The following CDC14A variants were observed in gnomAD, a reference collection of about 807,000 sequenced individuals.
The protein encoded by CDC14A is dual specificity protein phosphatase CDC14A.
In CDC14A, 53 loss-of-function variants were observed where a neutral mutation model predicts 74.4. The ratio of observed to expected loss-of-function variants is 0.71; its 90% CI spans 0.57 to 0.89. CDC14A has a LOEUF of 0.89. Among genes scored for constraint, CDC14A ranks in the 40% least tolerant of loss-of-function variants. CDC14A has a pLI of 0.00. For missense variants in CDC14A, 646 were observed against 713.7 expected (o/e 0.91, Z 1.08); for synonymous variants, 247 against 258.4 (o/e 0.96, Z 0.43).
chr1:100,488,469 T>G (rs1670294564), intron 11 of CDC14A, among the ~76,000 whole-genome samples: 1 of 152,230 alleles, frequency 6.6e-6, no homozygotes. Flanking sequence ...TAACTCTCTA[T>G]GAGGTCTTCA....
chr1:100,494,951 T>G, intron 12 of CDC14A, 21 bp downstream of exon 12: 1 of 1,228,418 alleles, frequency 8.1e-7, no homozygotes. Context: ...TTTAAACACT[T>G]CAATTTATAG....
chr1:100,498,052 TATTGTG>T (rs761726766), intron 13 of CDC14A, 27 bp from the exon 14 acceptor site: 1 of 1,601,636 alleles, frequency 6.2e-7, no homozygotes, highest in South Asian at 1.1e-5. Context: ...AAGACTACTT[TATTGTG>T]ACACTTTGCC....
At position 100,512,338 on chromosome 1, in the gene CDC14A, A is replaced by G. The variant is rs149135288; in HGVS notation, c.1756-5913A>G. Among the ~76,000 whole-genome samples, 1,168 of 152,286 alleles carry G rather than the reference A, an allele frequency of 7.7e-3. 4 individuals are homozygous for G. Among genetic ancestry groups the G allele is most frequent in the Admixed American group, 0.015 (227 of 15,290 alleles). On this transcript the variant is annotated intron_variant, in intron 15 of 15. Coordinates refer to ENST00000336454, the MANE Select transcript of CDC14A (RefSeq NM_003672.4). ...TATTGAACTAAAAGTCAGATAATGT[A>G]TCTGGGTTCGTGAATGTTAAAGTGT...
At chr1:100,513,962 A>G (rs1386695476) in intron 15 of CDC14A, among the ~76,000 whole-genome samples, 1 of 152,144 alleles carries the variant, frequency 6.6e-6, no homozygotes, top group East Asian at 1.9e-4. Flanking sequence ...TTCAGGTTGA[A>G]TATTGCTACA....
At chr1:100,396,879 A>G (rs540490144) in intron 4 of CDC14A, among the ~76,000 whole-genome samples, 2 of 152,220 alleles carry the variant, frequency 1.3e-5, no homozygotes, top group East Asian at 3.9e-4. Flanking sequence ...ATTTCCTTAT[A>G]TCTAAGTGGG....
intron 15 of CDC14A, chr1:100,504,973 T>C: frequency 6.7e-7 from 1 of 1,493,418 alleles, no homozygotes; most frequent in Non-Finnish European, 9.0e-7. Context: ...ATACTTTATT[T>C]TATCATGTAT....
intron 2 of CDC14A, among the ~76,000 whole-genome samples, chr1:100,376,044 A>C (rs1485795379): frequency 6.6e-6 from 1 of 152,188 alleles, no homozygotes; most frequent in Admixed American, 6.5e-5. Flanking sequence ...AAACTATCAC[A>C]AGGACAAAAA....
At chr1:100,434,632 G>T (rs1276749510) in intron 5 of CDC14A, among the ~76,000 whole-genome samples, 1 of 152,172 alleles carries the variant, frequency 6.6e-6, no homozygotes, top group African/African-American at 2.4e-5. Flanking sequence ...TGAGGGATAG[G>T]ATAAGGGGAA....
At chr1:100,428,936 G>A (rs1458609857) in intron 5 of CDC14A, among the ~76,000 whole-genome samples, 7 of 152,026 alleles carry the variant, frequency 4.6e-5, no homozygotes, top group Non-Finnish European at 1.0e-4. Context: ...GGCCGGGCGC[G>A]GTGGCTCACG....
In CDC14A at chr1:100,467,903, G is replaced by A. The variant is rs1668004783; in HGVS notation, c.839-53G>A. 8 of 1,505,038 alleles carry A rather than the reference G, an allele frequency of 5.3e-6. No homozygotes were observed. In the East Asian group the frequency reaches 1.5e-4, roughly 28 times the overall value. The allele number at this position is 1,505,038 out of a possible 1,614,324, so 93.2% of individuals were successfully genotyped here. On this transcript the variant is annotated intron_variant, in intron 9 of 15. Coordinates refer to ENST00000336454, the MANE Select transcript of CDC14A (RefSeq NM_003672.4). ...GGCAAGGTTTGATTTCAGTGTTTTT[G>A]TGGTAGCATTTGCTAGACTTTATAT...
At position 100,508,654 on chromosome 1, in the gene CDC14A, C is replaced by T. The variant is rs1404112731; in HGVS notation, c.1755+9392C>T. ...GCTTTCTTCTCAGGCAGGGATGTGG[C>T]TCCATCTCAGCCCTGGCCCGAGGGC... On this transcript the variant is annotated intron_variant, in intron 15 of 15. Transcript: ENST00000336454. This position sits in a 1 kb window ranked among gnomAD's most constrained non-coding sequence, Gnocchi z 4.4. Among the ~76,000 whole-genome samples, 1 of 152,222 alleles carries T rather than the reference C, an allele frequency of 6.6e-6. No individual in the cohort carries two copies. Among genetic ancestry groups the T allele is most frequent in the Non-Finnish European group, 1.5e-5 (1 of 68,034 alleles).
At chr1:100,436,192 G>T (rs760737867) in intron 5 of CDC14A, among the ~76,000 whole-genome samples, 3 of 152,156 alleles carry the variant, frequency 2.0e-5, no homozygotes, top group Non-Finnish European at 4.4e-5. Context: ...ATGTGGGGCA[G>T]GTATCTTTCT....
intron 15 of CDC14A, among the ~76,000 whole-genome samples, chr1:100,503,964 C>T (rs1011609068): frequency 6.6e-6 from 1 of 152,196 alleles, no homozygotes; most frequent in African/African-American, 2.4e-5. Flanking sequence ...TTGCTTCTCC[C>T]ATAAGCCTCT....
intron 4 of CDC14A, among the ~76,000 whole-genome samples, chr1:100,412,737 ATTTT>A (rs1660986560): frequency 9.9e-6 from 1 of 100,718 alleles, no homozygotes; most frequent in African/African-American, 5.9e-5. Context: ...ATATATATAT[ATTTT>A]ATATATATAT....
intron 10 of CDC14A, among the ~76,000 whole-genome samples, chr1:100,476,030 G>A (rs1017941503): frequency 1.3e-5 from 2 of 152,206 alleles, no homozygotes; most frequent in African/African-American, 4.8e-5. Context: ...GGCAGGGTTA[G>A]GGCCACAGTT....
chr1:100,483,761 T>C (rs1263950399), intron 10 of CDC14A, among the ~76,000 whole-genome samples: 1 of 152,200 alleles, frequency 6.6e-6, no homozygotes, highest in African/African-American at 2.4e-5. Flanking sequence ...TAATTGAGGA[T>C]ATAAGCCTTG....
intron 10 of CDC14A, among the ~76,000 whole-genome samples, chr1:100,475,404 A>G (rs1009710546): frequency 6.6e-6 from 1 of 152,208 alleles, no homozygotes; most frequent in Admixed American, 6.5e-5. Context: ...GTTGGCATTT[A>G]GCGATCATCT....
At chr1:100,455,053 A>T (rs565563139) in intron 7 of CDC14A, among the ~76,000 whole-genome samples, 1 of 148,992 alleles carries the variant, frequency 6.7e-6, no homozygotes, top group South Asian at 2.1e-4. Flanking sequence ...ACATTCATGG[A>T]AAGTTTTCAT....
chr1:100,414,640 T>A (rs1661286039), intron 4 of CDC14A, among the ~76,000 whole-genome samples: 1 of 151,876 alleles, frequency 6.6e-6, no homozygotes, highest in Non-Finnish European at 1.5e-5. Context: ...GCACCAGGAG[T>A]TTTTAACATG....
Sources: gnomAD v4.1 joint callset for allele counts (sites outside exome capture counted in the v4.1 genomes callset) on GRCh38, gnomAD v4.1.1 for gene constraint, Gnocchi (gnomAD v3.1) non-coding constraint, MANE v1.5 for transcripts, NCBI Gene and HGNC (gene_info 2026-07-23, HGNC 2026-07-21) for gene names.